LUZP2: variants seen among roughly 807,000 people sequenced by gnomAD.
LUZP2 encodes leucine zipper protein 2.
Under a neutral mutation model 51.6 loss-of-function variants are expected in LUZP2, and 52 were observed. The ratio of observed to expected loss-of-function variants is 1.01; its 90% CI spans 0.81 to 1.27. LUZP2 has a LOEUF of 1.27. LUZP2 is among the 50% of genes most tolerant of loss of function. The probability of loss-of-function intolerance (pLI) is 0.00; values close to 1 mark genes in which losing one functional copy is unlikely to be tolerated. For synonymous variants in LUZP2, 154 were observed against 137.3 expected (o/e 1.12, Z -0.85); for missense variants, 436 against 395.4 (o/e 1.10, Z -0.87).
chr11:25,015,445 G>GA (rs1307555228), intron 9 of LUZP2, among the ~76,000 whole-genome samples: 1 of 152,070 alleles, frequency 6.6e-6, no homozygotes, highest in Non-Finnish European at 1.5e-5. Context: ...CCTATTTTAG[G>GA]ATCTAACCCA....
intron 2 of LUZP2, among the ~76,000 whole-genome samples, chr11:24,731,320 C>A (rs1229160591): frequency 6.6e-6 from 1 of 151,636 alleles, no homozygotes; most frequent in African/African-American, 2.4e-5. Context: ...CAGTTCCCTA[C>A]CAGTCACAAC....
intron 10 of LUZP2, among the ~76,000 whole-genome samples, chr11:25,054,116 G>C (rs533897379): frequency 6.6e-6 from 1 of 152,258 alleles, no homozygotes; most frequent in South Asian, 2.1e-4. Flanking sequence ...TAGCTTGTCT[G>C]TGTTCTCTGT....
intron 1 of LUZP2, among the ~76,000 whole-genome samples, chr11:24,545,691 C>A (rs896198577): frequency 6.6e-5 from 10 of 151,394 alleles, no homozygotes; most frequent in African/African-American, 2.2e-4. Flanking sequence ...TGCTGTAGCA[C>A]CATAGTATAG....
chr11:24,709,684 GAGAT>G (rs1452030178), intron 1 of LUZP2, among the ~76,000 whole-genome samples: 1 of 152,132 alleles, frequency 6.6e-6, no homozygotes, highest in African/African-American at 2.4e-5. Flanking sequence ...ATAATAATCT[GAGAT>G]AGCACATAAC....
At chr11:24,983,670 A>AT (rs922056865) in intron 9 of LUZP2, among the ~76,000 whole-genome samples, 57 of 149,134 alleles carry the variant, frequency 3.8e-4, no homozygotes, top group South Asian at 1.7e-3. Flanking sequence ...AAGGTAAATC[A>AT]TTTTTTTTTT....
At chr11:24,853,340 T>G (rs557675925) in intron 5 of LUZP2, among the ~76,000 whole-genome samples, 30 of 152,114 alleles carry the variant, frequency 2.0e-4, no homozygotes, top group Middle Eastern at 3.4e-3. Flanking sequence ...GAAGCTTAGT[T>G]TTGCTGGATA....
rs142505028 is a variant in LUZP2 at position 25,070,026 on chromosome 11, A to G, written c.859-7303A>G. 2.4e-3 allele frequency among the ~76,000 whole-genome samples: 360 copies of G among 151,978 alleles called. 3 individuals are homozygous for G. The highest frequency in any genetic ancestry group is 8.3e-3 in the African/African-American group (345 of 41,492). On this transcript the variant is annotated intron_variant, in intron 10 of 11. Coordinates refer to ENST00000336930, the MANE Select transcript of LUZP2 (RefSeq NM_001009909.4). ...TGTCATCCCCGTAATATGTGTTTGC[A>G]TACCTATGCAAACATCCAAATGGGA... is the stretch of plus-strand genomic sequence containing the variant.
intron 5 of LUZP2, among the ~76,000 whole-genome samples, chr11:24,884,248 T>G (rs987981314): frequency 6.6e-6 from 1 of 152,036 alleles, no homozygotes; most frequent in African/African-American, 2.4e-5. Context: ...CAAAGCCAAA[T>G]TTTAAGTGTA....
chr11:24,981,410 C>A (rs1856025475), intron 8 of LUZP2, among the ~76,000 whole-genome samples: 3 of 151,718 alleles, frequency 2.0e-5, no homozygotes, highest in Admixed American at 2.0e-4. Context: ...TGAGGATGAC[C>A]AGTGGTCACC....
At chr11:24,776,001 A>C (rs1226917704) in intron 5 of LUZP2, among the ~76,000 whole-genome samples, 4 of 152,200 alleles carry the variant, frequency 2.6e-5, no homozygotes, top group Non-Finnish European at 1.5e-5. Context: ...ATCAATAAGC[A>C]GTGTTATGTA....
chr11:24,770,246 G>T (rs926717519), intron 5 of LUZP2, among the ~76,000 whole-genome samples: 1 of 152,218 alleles, frequency 6.6e-6, no homozygotes, highest in African/African-American at 2.4e-5. Context: ...GCTTGGGAAT[G>T]AGTGGGATAA....
chr11:25,027,144 A>G lies in LUZP2; in HGVS notation c.766-22894A>G, dbSNP rs560155681. Among the ~76,000 whole-genome samples, 231 of 152,232 alleles carry G rather than the reference A, an allele frequency of 1.5e-3. 2 individuals carry two copies. Among genetic ancestry groups the G allele is most frequent in the Middle Eastern group, 6.8e-3 (2 of 292 alleles). On this transcript the variant is annotated intron_variant, in intron 9 of 11. Transcript: ENST00000336930. Reference sequence around the variant, plus strand: ...TATATTTACTGATCATTTCTCAGAAATTATTAGCAAAAGAAAATAAATCAT... The same window carrying G: ...TATATTTACTGATCATTTCTCAGAAGTTATTAGCAAAAGAAAATAAATCAT...
At chr11:24,543,045 G>A (rs1409430393) in intron 1 of LUZP2, among the ~76,000 whole-genome samples, 1 of 151,900 alleles carries the variant, frequency 6.6e-6, no homozygotes, top group Admixed American at 6.6e-5. Context: ...TATTACCGGT[G>A]TGTTCATAAC....
intron 2 of LUZP2, 79 bp from the exon 3 acceptor site, chr11:24,732,039 T>C: frequency 9.7e-7 from 1 of 1,032,280 alleles, no homozygotes; most frequent in Non-Finnish European, 1.5e-6. Context: ...CAGTCCTATC[T>C]AGTACTCTAG....
intron 1 of LUZP2, among the ~76,000 whole-genome samples, chr11:24,691,476 GTT>G (rs5790429): frequency 1.5e-5 from 2 of 136,576 alleles, no homozygotes; most frequent in African/African-American, 5.5e-5. Context: ...CTCATATTCT[GTT>G]TTTTTTTTTT....
At chr11:24,922,652 A>G (rs1370436000) in intron 7 of LUZP2, among the ~76,000 whole-genome samples, 1 of 152,050 alleles carries the variant, frequency 6.6e-6, no homozygotes, top group Non-Finnish European at 1.5e-5. Context: ...TTATTTTCTT[A>G]CATGATTCCA....
intron 1 of LUZP2, among the ~76,000 whole-genome samples, chr11:24,715,087 C>T (rs995783431): frequency 1.3e-5 from 2 of 151,984 alleles, no homozygotes; most frequent in African/African-American, 4.8e-5. Context: ...CCTCTGCTGA[C>T]AATGCTGGTA....
chr11:24,854,918 T>A (rs7939328), intron 5 of LUZP2, among the ~76,000 whole-genome samples: 1 of 152,144 alleles, frequency 6.6e-6, no homozygotes, highest in South Asian at 2.1e-4. Flanking sequence ...CCAGGTGAGG[T>A]GATGCTCCAC....
At chr11:24,829,228 AAG>A (rs1319783719) in intron 5 of LUZP2, among the ~76,000 whole-genome samples, 1 of 152,120 alleles carries the variant, frequency 6.6e-6, no homozygotes, top group Non-Finnish European at 1.5e-5. Context: ...AGATGAAGGA[AAG>A]AGAGAATGAT....
Sources: allele counts gnomAD v4.1 joint callset (sites outside exome capture counted in the v4.1 genomes callset), GRCh38; gene constraint gnomAD v4.1.1; transcripts MANE v1.5; gene names NCBI Gene and HGNC (gene_info 2026-07-23, HGNC 2026-07-21).